The following TENM3 variants were observed in gnomAD, a reference collection of about 807,000 sequenced individuals.
TENM3 encodes teneurin transmembrane protein 3.
Under a neutral mutation model 255.1 loss-of-function variants are expected in TENM3, and 63 were observed. That is an observed-to-expected ratio of 0.25 (90% CI 0.20 to 0.30). The LOEUF (loss-of-function observed/expected upper bound fraction) is 0.30. Ranked by LOEUF, TENM3 falls within the 10% of genes least tolerant of loss-of-function variation. The pLI is 1.00. For missense variants in TENM3, 2,929 were observed against 3,461.1 expected, an observed-to-expected ratio of 0.85 and a Z score of 3.86; for synonymous variants, 1,306 against 1,322.3, an observed-to-expected ratio of 0.99 and a Z score of 0.27.
Position 182,754,972 on chromosome 4 carries a change from T to C in TENM3, c.4605T>C (p.Ser1535=), listed in dbSNP as rs1218598938. Residue 1535 remains serine, a synonymous_variant, in exon 22 of 28, where the codon AGT becomes AGC. Coordinates refer to ENST00000511685, the MANE Select transcript of TENM3 (RefSeq NM_001080477.4). This position sits in a 1 kb window ranked among gnomAD's most constrained non-coding sequence, Gnocchi z 5.1. The part of the protein sequence containing the change: ...DINGTHQYTV[S]LVTGDYLYNF... ...ATGGTACTCACCAATATACTGTAAG[T>C]TTAGTCACTGGTGATTACCTTTACA... The C allele has an allele frequency of 5.0e-6, 8 of 1,614,032 alleles. No homozygotes were observed. The East Asian group carries it at 1.6e-4, about 31-fold the overall frequency.
At chr4:182,523,526 T>C (rs1738801726) in intron 3 of TENM3, among the ~76,000 whole-genome samples, 1 of 152,210 alleles carries the variant, frequency 6.6e-6, no homozygotes, top group Admixed American at 6.5e-5. Flanking sequence ...GAGAAGAGAA[T>C]TGCTGTATTG....
the TENM3 span, among the ~76,000 whole-genome samples, chr4:181,589,784 A>C: frequency 1.3e-5 from 2 of 152,228 alleles, no homozygotes; most frequent in Admixed American, 1.3e-4. Flanking sequence ...TATGTGGGAG[A>C]CTAGATGATG....
the TENM3 span, among the ~76,000 whole-genome samples, chr4:181,839,280 T>G: frequency 1.4e-5 from 2 of 147,016 alleles, no homozygotes; most frequent in Admixed American, 6.8e-5. Context: ...CCCAGACTTA[T>G]AGTTGTTAGC....
chr4:181,566,739 A>G, the TENM3 span, among the ~76,000 whole-genome samples: 17 of 152,280 alleles, frequency 1.1e-4, no homozygotes, highest in South Asian at 2.9e-3. Flanking sequence ...TGTTCACACT[A>G]CATCCACCAC....
At chr4:181,517,100 G>A in the TENM3 span, among the ~76,000 whole-genome samples, 1 of 151,656 alleles carries the variant, frequency 6.6e-6, no homozygotes, top group Non-Finnish European at 1.5e-5. Context: ...CAGCCAAAGA[G>A]TGACAATTAT....
chr4:181,812,079 C>T, the TENM3 span, among the ~76,000 whole-genome samples: 1 of 152,220 alleles, frequency 6.6e-6, no homozygotes, highest in Non-Finnish European at 1.5e-5. Flanking sequence ...CCTCTTCATT[C>T]TTGCCACTAG....
At chr4:181,816,291 A>T in the TENM3 span, among the ~76,000 whole-genome samples, 1 of 152,086 alleles carries the variant, frequency 6.6e-6, no homozygotes, top group Non-Finnish European at 1.5e-5. Context: ...AACAAAAATC[A>T]ATCCTCATTC....
At chr4:181,979,757 G>A in the TENM3 span, among the ~76,000 whole-genome samples, 3 of 152,210 alleles carry the variant, frequency 2.0e-5, no homozygotes, top group Non-Finnish European at 4.4e-5. Flanking sequence ...CTGAGGCTCA[G>A]AGAAGTCGAG....
At chr4:181,823,462 A>T in the TENM3 span, among the ~76,000 whole-genome samples, 4 of 152,278 alleles carry the variant, frequency 2.6e-5, no homozygotes, top group South Asian at 8.3e-4. Context: ...GTCTTTTTGA[A>T]GTAACTTCAA....
chr4:181,675,516 G>A, the TENM3 span, among the ~76,000 whole-genome samples: 12,011 of 152,070 alleles, frequency 0.079, 1,282 homozygotes, highest in African/African-American at 0.25. Context: ...AAATATGTAT[G>A]GAATTGTACA....
chr4:181,590,818 C>T, the TENM3 span, among the ~76,000 whole-genome samples: 1 of 152,064 alleles, frequency 6.6e-6, no homozygotes, highest in African/African-American at 2.4e-5. Flanking sequence ...GGGGTGAAAA[C>T]AACAAAACAG....
chr4:182,688,018 C>T (rs531611735), intron 11 of TENM3, 148 bp from the exon 12 acceptor site: 10 of 687,530 alleles, frequency 1.5e-5, no homozygotes, highest in African/African-American at 7.3e-5. Context: ...CTGAAATTTA[C>T]GTAGCATACA....
chr4:182,377,988 T>C (rs1051426180), intron 3 of TENM3, among the ~76,000 whole-genome samples: 1 of 152,038 alleles, frequency 6.6e-6, no homozygotes, highest in Non-Finnish European at 1.5e-5. Flanking sequence ...AAGCAGACAT[T>C]GATGGATGTC....
chr4:182,079,313 G>A, the TENM3 span, among the ~76,000 whole-genome samples: 3 of 152,068 alleles, frequency 2.0e-5, no homozygotes, highest in Non-Finnish European at 1.5e-5. Flanking sequence ...TCAGGAGATC[G>A]AGACCATCCT....
chr4:181,721,101 C>T, the TENM3 span, among the ~76,000 whole-genome samples: 4 of 149,254 alleles, frequency 2.7e-5, no homozygotes, highest in Non-Finnish European at 3.0e-5. Context: ...CAGATAAATA[C>T]CAAGGGTAAA....
chr4:181,605,570 G>GAAAA, the TENM3 span, among the ~76,000 whole-genome samples: 1 of 24,788 alleles, frequency 4.0e-5, no homozygotes, highest in Non-Finnish European at 1.1e-4. Context: ...AAGAAAGAAA[G>GAAAA]AGAGAGAAAG....
the TENM3 span, among the ~76,000 whole-genome samples, chr4:181,863,323 T>C: frequency 1.3e-5 from 2 of 152,156 alleles, no homozygotes; most frequent in African/African-American, 4.8e-5. Context: ...TCTGCTACTC[T>C]CATGAAGATT....
At chr4:181,769,297 T>C in the TENM3 span, among the ~76,000 whole-genome samples, 1 of 152,346 alleles carries the variant, frequency 6.6e-6, no homozygotes, top group East Asian at 1.9e-4. Flanking sequence ...CACTCTGAGC[T>C]TCAGCTTCCG....
chr4:182,146,552 T>C (rs555782964), intron 1 of TENM3, among the ~76,000 whole-genome samples: 1 of 152,206 alleles, frequency 6.6e-6, no homozygotes, highest in African/African-American at 2.4e-5. Flanking sequence ...ACACGAATTT[T>C]ATTATTCCTC....
Sources: gnomAD v4.1 joint callset for allele counts (sites outside exome capture counted in the v4.1 genomes callset) on GRCh38, gnomAD v4.1.1 for gene constraint, Gnocchi (gnomAD v3.1) non-coding constraint, MANE v1.5 for transcripts, NCBI Gene and HGNC (gene_info 2026-07-23, HGNC 2026-07-21) for gene names.